Variants in GPR158 observed in about 807,000 individuals in gnomAD.
GPR158 encodes the protein G protein-coupled receptor 158.
Under a neutral mutation model 78.2 loss-of-function variants are expected in GPR158, and 30 were observed. That is an observed-to-expected ratio of 0.38 (90% CI 0.29 to 0.52). The LOEUF (loss-of-function observed/expected upper bound fraction) is 0.52. Among genes scored for constraint, GPR158 ranks in the 20% least tolerant of loss-of-function variants. The pLI is 0.83. For synonymous variants in GPR158, 581 were observed against 591.1 expected (o/e 0.98, Z 0.25); for missense variants, 1,463 against 1,523.5 (o/e 0.96, Z 0.66).
chr10:25,487,674 T>C (rs1835752800), intron 5 of GPR158, among the ~76,000 whole-genome samples: 1 of 152,140 alleles, frequency 6.6e-6, no homozygotes, highest in South Asian at 2.1e-4. Context: ...GGAGAGTAAA[T>C]GACTTTATGC....
chr10:25,482,051 A>G (rs1771999703), intron 5 of GPR158, among the ~76,000 whole-genome samples: 1 of 152,064 alleles, frequency 6.6e-6, no homozygotes, highest in Non-Finnish European at 1.5e-5. Flanking sequence ...AGCTCTGGCT[A>G]TCTTTTTTAG....
intron 4 of GPR158, among the ~76,000 whole-genome samples, chr10:25,456,918 T>C (rs1835298454): frequency 6.6e-6 from 1 of 152,072 alleles, no homozygotes; most frequent in African/African-American, 2.4e-5. Context: ...ATTAAGATTT[T>C]TCATGGGGGG....
chr10:25,339,110 A>AAGT (rs1855267442), intron 2 of GPR158, among the ~76,000 whole-genome samples: 1 of 150,638 alleles, frequency 6.6e-6, no homozygotes, highest in Admixed American at 6.6e-5. Context: ...TCAGTCTTCC[A>AAGT]AGTACCTGGG....
chr10:25,245,405 A>C lies in GPR158; in HGVS notation c.1008+24248A>C, dbSNP rs116392888. Reference sequence around the variant, plus strand: ...ACACATATGATAGAGGGTTCAGAGAAGAGGAAGAAAGGATTAAAAAAAAAA... The same window carrying C: ...ACACATATGATAGAGGGTTCAGAGACGAGGAAGAAAGGATTAAAAAAAAAA... On this transcript the variant is annotated intron_variant, in intron 2 of 10. Coordinates refer to ENST00000376351, the MANE Select transcript of GPR158 (RefSeq NM_020752.3). Among the ~76,000 whole-genome samples, 1,456 of 152,324 alleles carry C rather than the reference A, an allele frequency of 9.6e-3. 16 individuals are homozygous for C. The highest frequency in any genetic ancestry group is 0.039 in the South Asian group (187 of 4,830).
chr10:25,277,671 A>T (rs1429818539), intron 2 of GPR158, among the ~76,000 whole-genome samples: 1 of 152,196 alleles, frequency 6.6e-6, no homozygotes, highest in East Asian at 1.9e-4. Context: ...CTGGTGGAGA[A>T]TCCTGTGGAG....
chr10:25,324,329 G>T (rs1854997279), intron 2 of GPR158, among the ~76,000 whole-genome samples: 1 of 152,188 alleles, frequency 6.6e-6, no homozygotes, highest in Admixed American at 6.5e-5. Context: ...GGCCATTGTA[G>T]GCTTATTAAT....
chr10:25,274,879 G>A (rs1320696045), intron 2 of GPR158, among the ~76,000 whole-genome samples: 1 of 152,106 alleles, frequency 6.6e-6, no homozygotes, highest in East Asian at 1.9e-4. Context: ...TCTGACTTTT[G>A]TGTGTGCTAA....
chr10:25,518,207 T>C (rs1166091850), intron 5 of GPR158, among the ~76,000 whole-genome samples: 1 of 86,058 alleles, frequency 1.2e-5, no homozygotes, highest in Non-Finnish European at 2.3e-5. Context: ...TTCTGTGGGA[T>C]TGGTGGTGAT....
In GPR158 at chr10:25,410,644, A is replaced by G. The variant is rs575075515; in HGVS notation, c.1112-1606A>G. ...AATAAATAAATAAATAAATAACCTC[A>G]TTTAGTCCCACAGCAATTCATGTTT... On this transcript the variant is annotated intron_variant, in intron 3 of 10. Transcript: ENST00000376351. Among the ~76,000 whole-genome samples, 211 of 152,258 alleles carry G rather than the reference A, an allele frequency of 1.4e-3. 2 individuals carry two copies. Among genetic ancestry groups the G allele is most frequent in the Admixed American group, 5.0e-3 (77 of 15,286 alleles).
chr10:25,494,712 C>T (rs993765397), intron 5 of GPR158, among the ~76,000 whole-genome samples: 1 of 152,092 alleles, frequency 6.6e-6, no homozygotes, highest in Non-Finnish European at 1.5e-5. Flanking sequence ...AACCACTCCA[C>T]AGCAAAGTTC....
chr10:25,481,409 T>C (rs1662569377), intron 5 of GPR158, among the ~76,000 whole-genome samples: 1 of 152,120 alleles, frequency 6.6e-6, no homozygotes, highest in African/African-American at 2.4e-5. Context: ...CAGGAGGTGA[T>C]GTATAAACCA....
chr10:25,267,512 G>A (rs1233204128), intron 2 of GPR158, among the ~76,000 whole-genome samples: 1 of 152,162 alleles, frequency 6.6e-6, no homozygotes, highest in East Asian at 1.9e-4. Flanking sequence ...TGAGATTTGG[G>A]TGGGGACACA....
intron 2 of GPR158, among the ~76,000 whole-genome samples, chr10:25,355,921 G>A (rs942947508): frequency 1.3e-5 from 2 of 152,044 alleles, no homozygotes; most frequent in Non-Finnish European, 2.9e-5. Flanking sequence ...CTTTGGCCAA[G>A]TTACAGAGCA....
intron 2 of GPR158, among the ~76,000 whole-genome samples, chr10:25,370,650 T>C (rs1298493391): frequency 6.7e-6 from 1 of 149,984 alleles, no homozygotes; most frequent in East Asian, 1.9e-4. Context: ...TTCTGTTGAT[T>C]TGGGGTGGAG....
intron 4 of GPR158, among the ~76,000 whole-genome samples, chr10:25,451,898 T>C (rs565060195): frequency 6.6e-6 from 1 of 152,170 alleles, no homozygotes; most frequent in African/African-American, 2.4e-5. Context: ...TGGAGAAAAA[T>C]TCCCTTGAAT....
chr10:25,462,648 A>T (rs1046206203), intron 4 of GPR158, among the ~76,000 whole-genome samples: 3 of 152,210 alleles, frequency 2.0e-5, no homozygotes, highest in African/African-American at 7.2e-5. Flanking sequence ...GAAAACATTG[A>T]TTCTAACCCT....
intron 2 of GPR158, among the ~76,000 whole-genome samples, chr10:25,336,242 T>G (rs1270364001): frequency 6.6e-6 from 1 of 152,096 alleles, no homozygotes; most frequent in Non-Finnish European, 1.5e-5. Context: ...ATTTGAATGT[T>G]TATGTTATTT....
At chr10:25,246,522 T>C (rs2130714480) in intron 2 of GPR158, among the ~76,000 whole-genome samples, 1 of 152,298 alleles carries the variant, frequency 6.6e-6, no homozygotes, top group Non-Finnish European at 1.5e-5. Flanking sequence ...ATATTTACTG[T>C]TAGTTCAATT....
intron 1 of GPR158, among the ~76,000 whole-genome samples, chr10:25,215,652 TAGTGAAACCC>T (rs1853200758): frequency 6.6e-6 from 1 of 151,986 alleles, no homozygotes; most frequent in Non-Finnish European, 1.5e-5. Flanking sequence ...CTGGCCAACA[TAGTGAAACCC>T]AGTCTCTACT....
Sources: allele counts gnomAD v4.1 joint callset (sites outside exome capture counted in the v4.1 genomes callset), GRCh38; gene constraint gnomAD v4.1.1; transcripts MANE v1.5; gene names NCBI Gene and HGNC (gene_info 2026-07-23, HGNC 2026-07-21).